Variants in GINS1 observed in about 807,000 individuals in gnomAD.
The protein encoded by GINS1 is DNA replication complex GINS protein PSF1.
Under a neutral mutation model 34.9 loss-of-function variants are expected in GINS1, and 26 were observed. The ratio of observed to expected loss-of-function variants is 0.74; its 90% CI spans 0.55 to 1.03. The LOEUF (loss-of-function observed/expected upper bound fraction) is 1.03. Among genes scored for constraint, GINS1 ranks in the 50% least tolerant of loss-of-function variants. The pLI, the probability that GINS1 is intolerant of heterozygous loss-of-function variation, is 0.00. For missense variants in GINS1, 235 were observed against 237.9 expected (o/e 0.99, Z 0.08); for synonymous variants, 97 against 84.4 (o/e 1.15, Z -0.82).
At chr20:25,439,845 AT>A (rs2090472904) in intron 5 of GINS1, among the ~76,000 whole-genome samples, 1 of 151,826 alleles carries the variant, frequency 6.6e-6, no homozygotes, top group African/African-American at 2.4e-5. Flanking sequence ...ATACAAAAAA[AT>A]TAGTTGGGCG....
intron 3 of GINS1, 45 bp from the exon 4 acceptor site, chr20:25,418,059 TC>T (rs752767431): frequency 2.6e-5 from 26 of 1,007,810 alleles, no homozygotes; most frequent in Non-Finnish European, 3.4e-5. Context: ...CCACACGTGA[TC>T]CCCCGTTTAT....
intron 5 of GINS1, among the ~76,000 whole-genome samples, chr20:25,427,307 C>T (rs546555590): frequency 6.6e-6 from 1 of 152,228 alleles, no homozygotes; most frequent in East Asian, 1.9e-4. Flanking sequence ...AAGTGATTCT[C>T]CTGCCTCAGC....
intron 4 of GINS1, among the ~76,000 whole-genome samples, chr20:25,421,255 T>C (rs2090353716): frequency 6.6e-6 from 1 of 152,222 alleles, no homozygotes; most frequent in Non-Finnish European, 1.5e-5. Context: ...ATTAAAATTT[T>C]AGCAAATTCC....
chr20:25,407,730 G>C lies in GINS1; in HGVS notation c.-91G>C. 2.0e-6 allele frequency: 2 copies of C among 994,004 alleles called. No homozygotes were observed. Among genetic ancestry groups the C allele is most frequent in the South Asian group, 1.3e-5 (1 of 74,580 alleles). The allele number at this position is 994,004 out of a possible 1,614,324, so 61.6% of individuals were successfully genotyped here. On this transcript the variant is annotated 5_prime_UTR_variant, in exon 1 of 7. Transcript: ENST00000262460. The stretch of plus-strand genomic sequence containing the variant: ...GCGAGAGCCTGGCGCTGTAGGACTA[G>C]AACGAAAGGAGTGAGGCGCCGAGAG...
At chr20:25,409,824 T>G (rs988434653) in intron 1 of GINS1, among the ~76,000 whole-genome samples, 3 of 152,208 alleles carry the variant, frequency 2.0e-5, no homozygotes, top group African/African-American at 7.2e-5. Context: ...GATGCTTGAA[T>G]GCAGAAGTGT....
intron 6 of GINS1, among the ~76,000 whole-genome samples, chr20:25,442,676 C>T (rs2090489286): frequency 6.7e-6 from 1 of 149,086 alleles, no homozygotes; most frequent in African/African-American, 2.5e-5. Flanking sequence ...GGCGGGATCT[C>T]CACTCATTGC....
In GINS1 at chr20:25,430,777, G is replaced by A. The variant is rs143963252; in HGVS notation, c.447+5450G>A. The stretch of plus-strand genomic sequence containing the variant: ...ACTCCCGACCTCAGGTGATCCTCCC[G>A]CCTTGGCCTCCCAAAGTGCTGGGAT... On this transcript the variant is annotated intron_variant, in intron 5 of 6. Transcript: ENST00000262460. Among the ~76,000 whole-genome samples the A allele has an allele frequency of 1.4e-3, 217 of 152,224 alleles. 1 individual carries two copies. Among genetic ancestry groups the A allele is most frequent in the African/African-American group, 4.7e-3 (195 of 41,546 alleles).
chr20:25,441,682 T>C lies in GINS1; in HGVS notation c.448-20T>C. ...ATTAAAAACTAATTTAGATAAAACATCTCTCATTTTTTCTTTCAGGTCCGG... is the reference window on the plus strand; with the variant it reads ...ATTAAAAACTAATTTAGATAAAACACCTCTCATTTTTTCTTTCAGGTCCGG... On this transcript the variant is annotated intron_variant, in intron 5 of 6. Coordinates refer to ENST00000262460, the MANE Select transcript of GINS1 (RefSeq NM_021067.5). 7.8e-7 allele frequency: 1 copy of C among 1,289,430 alleles called. No homozygotes were observed. Among genetic ancestry groups the C allele is most frequent in the South Asian group, 1.3e-5 (1 of 79,510 alleles). The allele number at this position is 1,289,430 out of a possible 1,614,324, so 79.9% of individuals were successfully genotyped here.
At chr20:25,416,978 G>T in intron 2 of GINS1, 126 bp from the exon 3 acceptor site, 3 of 547,806 alleles carry the variant, frequency 5.5e-6, no homozygotes, top group Middle Eastern at 4.6e-4. Flanking sequence ...GTTATTATTT[G>T]CTTAGGTTAA....
chr20:25,407,768 T>G lies in GINS1; in HGVS notation c.-53T>G, dbSNP rs1459258449. 7.2e-6 allele frequency: 10 copies of G among 1,392,688 alleles called. No individual in the cohort carries two copies. In the African/African-American group the frequency reaches 8.5e-5, roughly 12 times the overall value. The allele number at this position is 1,392,688 out of a possible 1,614,324, so 86.3% of individuals were successfully genotyped here. A position where few individuals can be genotyped will look rare whatever the true frequency, so the allele number is the denominator to read the frequency against. ...GAGGCGCCGAGAGCCCAGATACCAT[T>G]TTGGCGTGAGAGCTGGTGGTTGGCA... On this transcript the variant is annotated 5_prime_UTR_variant, in exon 1 of 7. The change creates a new upstream start codon in the 5' untranslated region. Transcript: ENST00000262460.
intron 1 of GINS1, among the ~76,000 whole-genome samples, chr20:25,410,200 G>C (rs1208588343): frequency 1.3e-5 from 2 of 152,044 alleles, no homozygotes; most frequent in African/African-American, 4.8e-5. Context: ...AATTAGCCAG[G>C]CGTGGTGGGA....
At chr20:25,428,783 A>G (rs574956551) in intron 5 of GINS1, among the ~76,000 whole-genome samples, 2 of 152,172 alleles carry the variant, frequency 1.3e-5, no homozygotes, top group African/African-American at 4.8e-5. Context: ...TCATTTGACT[A>G]TGTAGGCAAG....
intron 5 of GINS1, among the ~76,000 whole-genome samples, chr20:25,435,259 G>T (rs967464402): frequency 3.9e-5 from 6 of 152,062 alleles, no homozygotes; most frequent in African/African-American, 1.4e-4. Flanking sequence ...ATCTTATTGA[G>T]GATCCCAGGT....
rs77113924 is a variant in GINS1 at position 25,428,969 on chromosome 20, C to CTTTTT, written c.447+3675_447+3679dup. Reference sequence around the variant, plus strand: ...GGGTCCTCCACCTTCATTCCTCTCTCTTTTTTTTTTTTTTTTTTTTTTTTT... The same window carrying CTTTTT: ...GGGTCCTCCACCTTCATTCCTCTCTCTTTTTTTTTTTTTTTTTTTTTTTTTTTTTT... On this transcript the variant is annotated intron_variant, in intron 5 of 6. Coordinates refer to ENST00000262460, the MANE Select transcript of GINS1 (RefSeq NM_021067.5). Among the ~76,000 whole-genome samples the CTTTTT allele has an allele frequency of 7.8e-4, 99 of 127,496 alleles. 2 individuals are homozygous for CTTTTT. The highest frequency in any genetic ancestry group is 1.3e-3 in the Non-Finnish European group (80 of 60,860). The allele number at this position is 127,496 out of a possible 152,430, so 83.6% of individuals were successfully genotyped here.
intron 4 of GINS1, 76 bp from the exon 5 acceptor site, chr20:25,425,135 T>G (rs1230718494): frequency 2.8e-6 from 2 of 715,770 alleles, no homozygotes; most frequent in Non-Finnish European, 5.1e-6. Context: ...GGATGTGTAC[T>G]GTTTTCGAAT....
Position 25,422,270 on chromosome 20 carries a change from C to T in GINS1, c.331-2941C>T, listed in dbSNP as rs74401849. On this transcript the variant is annotated intron_variant, in intron 4 of 6. Coordinates refer to ENST00000262460, the MANE Select transcript of GINS1 (RefSeq NM_021067.5). Reference sequence around the variant, plus strand: ...GACTTTTGTGCAGACTAATCACTTCCTTATTTTTAAAAATCTTATTGCTCT... The same window carrying T: ...GACTTTTGTGCAGACTAATCACTTCTTTATTTTTAAAAATCTTATTGCTCT... Among the ~76,000 whole-genome samples, 162 of 152,178 alleles carry T rather than the reference C, an allele frequency of 1.1e-3. 1 individual carries two copies. Among genetic ancestry groups the T allele is most frequent in the African/African-American group, 3.7e-3 (153 of 41,544 alleles).
chr20:25,427,844 A>AAAT (rs1392197640), intron 5 of GINS1, among the ~76,000 whole-genome samples: 2 of 148,534 alleles, frequency 1.3e-5, no homozygotes, highest in African/African-American at 4.9e-5. Flanking sequence ...TGATATTTTA[A>AAAT]AATTTTCATG....
In GINS1 at chr20:25,417,227, G is replaced by A. The variant is rs779386412; in HGVS notation, c.239+25G>A. 1.5e-5 allele frequency: 18 copies of A among 1,165,280 alleles called. No homozygotes were observed. The South Asian group carries it at 2.0e-4, about 13-fold the overall frequency. 72.2% of individuals were successfully genotyped at this position (1,165,280 alleles called of 1,614,324 possible). A position where few individuals can be genotyped will look rare whatever the true frequency, so the allele number is the denominator to read the frequency against. The stretch of plus-strand genomic sequence containing the variant: ...TGTAAGCTTCTCAGTTTTTGCTTGG[G>A]GTGGCAGGATTTTCTGTGTGGCTTC... On this transcript the variant is annotated intron_variant, in intron 3 of 6. Transcript: ENST00000262460.
Position 25,413,780 on chromosome 20 carries a change from T to C in GINS1, c.76-10T>C. Reference sequence around the variant, plus strand: ...ATCAGTGGATTTCAATATCGGTTTATATGTTCTAGGAGGATGGACTCAGAC... The same window carrying C: ...ATCAGTGGATTTCAATATCGGTTTACATGTTCTAGGAGGATGGACTCAGAC... On this transcript the variant is annotated splice_polypyrimidine_tract_variant and intron_variant, in intron 1 of 6. Transcript: ENST00000262460. The C allele has an allele frequency of 6.6e-7, 1 of 1,524,626 alleles. No individual in the cohort carries two copies. Among genetic ancestry groups the C allele is most frequent in the Non-Finnish European group, 9.1e-7 (1 of 1,098,310 alleles). 94.4% of individuals were successfully genotyped at this position (1,524,626 alleles called of 1,614,324 possible).
Sources: allele counts gnomAD v4.1 joint callset (sites outside exome capture counted in the v4.1 genomes callset), GRCh38; gene constraint gnomAD v4.1.1; transcripts MANE v1.5; gene names NCBI Gene and HGNC (gene_info 2026-07-23, HGNC 2026-07-21).